The following THOC1 variants were observed in gnomAD, a reference collection of about 807,000 sequenced individuals.
The protein encoded by THOC1 is THO complex subunit 1.
Under a neutral mutation model 97.3 loss-of-function variants are expected in THOC1, and 29 were observed. That is an observed-to-expected ratio of 0.30 (90% CI 0.22 to 0.41). THOC1 has a LOEUF of 0.41. THOC1 is among the 10% of genes least tolerant of loss of function. The pLI, the probability that THOC1 is intolerant of heterozygous loss-of-function variation, is 1.00. For missense variants in THOC1, 529 were observed against 761.9 expected, an observed-to-expected ratio of 0.69 and a Z score of 3.60; for synonymous variants, 255 against 257.0, an observed-to-expected ratio of 0.99 and a Z score of 0.07.
chr18:243,281 G>T (rs1911970227), intron 11 of THOC1, among the ~76,000 whole-genome samples: 1 of 152,186 alleles, frequency 6.6e-6, no homozygotes, highest in African/African-American at 2.4e-5. Flanking sequence ...ATCAGAAAAG[G>T]AGAGATACTA....
At chr18:225,199 G>T in intron 13 of THOC1, 60 bp from the exon 14 acceptor site, 2 of 1,532,598 alleles carry the variant, frequency 1.3e-6, no homozygotes, top group Non-Finnish European at 1.8e-6. Context: ...GGAGTGGTTT[G>T]TAGGCAGAGA....
chr18:225,187 T>C (rs759213354), intron 13 of THOC1, 48 bp from the exon 14 acceptor site: 20 of 1,543,290 alleles, frequency 1.3e-5, no homozygotes, highest in East Asian at 2.4e-5. Context: ...TTCTGCATCA[T>C]AGGAGTGGTT....
chr18:215,934 A>G (rs957306175), intron 19 of THOC1, among the ~76,000 whole-genome samples: 1 of 152,220 alleles, frequency 6.6e-6, no homozygotes, highest in African/African-American at 2.4e-5. Context: ...GTATAGGTGC[A>G]TAACAGTTTA....
rs933055964 is a variant in THOC1, at chr18:216,386, G to A, written c.1602+100C>T. 6.0e-6 allele frequency: 8 copies of A among 1,326,474 alleles called. No individual in the cohort carries two copies. The African/African-American group carries it at 1.0e-4, about 17-fold the overall frequency. The allele number at this position is 1,326,474 out of a possible 1,614,324, so 82.2% of individuals were successfully genotyped here. A position where few individuals can be genotyped will look rare whatever the true frequency, so the allele number is the denominator to read the frequency against. On this transcript the variant is annotated intron_variant, in intron 19 of 20. Transcript: ENST00000261600. ...AAACATGGGAGCTTGTGGATCACTGGTTTTTCACATGATTAAGTCAGTTTT... is the reference window on the plus strand; with the variant it reads ...AAACATGGGAGCTTGTGGATCACTGATTTTTCACATGATTAAGTCAGTTTT...
At chr18:246,488 T>C in intron 10 of THOC1, 33 bp from the exon 11 acceptor site, 1 of 1,551,034 alleles carries the variant, frequency 6.4e-7, no homozygotes, top group South Asian at 1.2e-5. Flanking sequence ...TTATTCGACA[T>C]TGTTACCCAA....
chr18:235,308 A>T (rs759791299), intron 11 of THOC1, among the ~76,000 whole-genome samples: 2 of 152,076 alleles, frequency 1.3e-5, no homozygotes, highest in Non-Finnish European at 2.9e-5. Context: ...TCAAAGAAAC[A>T]CTTTCAGTTT....
At chr18:246,943 AAT>A (rs1276237626) in intron 10 of THOC1, among the ~76,000 whole-genome samples, 2 of 151,948 alleles carry the variant, frequency 1.3e-5, no homozygotes, top group Non-Finnish European at 2.9e-5. Flanking sequence ...AAAACGAAGA[AAT>A]ATGATTTAAG....
rs1449681635 is a variant in THOC1, at chr18:268,021, T to C, written c.-2A>G. On this transcript the variant is annotated 5_prime_UTR_variant, in exon 1 of 21. Transcript: ENST00000261600. ...GAAGAGCGGCGGCGTCGGAGACATC[T>C]TCTCGGCTGCGCGTGCCCGCCACTG... 28 of 1,593,294 alleles carry C rather than the reference T, an allele frequency of 1.8e-5. No individual in the cohort carries two copies. Among genetic ancestry groups the C allele is most frequent in the Non-Finnish European group, 2.2e-5 (26 of 1,169,710 alleles).
intron 11 of THOC1, among the ~76,000 whole-genome samples, chr18:228,409 G>A (rs1911370688): frequency 6.6e-6 from 1 of 151,920 alleles, no homozygotes; most frequent in Admixed American, 6.6e-5. Flanking sequence ...CTAGATAAGG[G>A]GTCAGCAAAC....
In THOC1 at chr18:259,288, G is replaced by A. The variant is rs765261703; in HGVS notation, c.425-13C>T. 16 of 1,563,692 alleles carry A rather than the reference G, an allele frequency of 1.0e-5. No homozygotes were observed. The East Asian group carries it at 3.6e-4, about 35-fold the overall frequency. ...CTTCTTAGGAGATCTAACAATATATGAAAATGAACGTTACACAGAAAAGAT... is the reference window on the plus strand; with the variant it reads ...CTTCTTAGGAGATCTAACAATATATAAAAATGAACGTTACACAGAAAAGAT... On this transcript the variant is annotated splice_polypyrimidine_tract_variant and intron_variant, in intron 6 of 20. Coordinates refer to ENST00000261600, the MANE Select transcript of THOC1 (RefSeq NM_005131.3).
intron 7 of THOC1, among the ~76,000 whole-genome samples, chr18:257,815 G>C (rs1912482478): frequency 6.6e-6 from 1 of 151,958 alleles, no homozygotes; most frequent in Non-Finnish European, 1.5e-5. Context: ...AAATTATTCA[G>C]AATCAGGTAG....
At chr18:232,629 A>G (rs1397238980) in intron 11 of THOC1, among the ~76,000 whole-genome samples, 1 of 151,938 alleles carries the variant, frequency 6.6e-6, no homozygotes, top group Non-Finnish European at 1.5e-5. Context: ...GTAGGGGGCC[A>G]TATTTAGGAA....
chr18:267,013 ATATATGTAT>A (rs1912795505), intron 1 of THOC1, among the ~76,000 whole-genome samples: 1 of 66,958 alleles, frequency 1.5e-5, no homozygotes, highest in Non-Finnish European at 3.5e-5. Flanking sequence ...GTATACGTAT[ATATATGTAT>A]ATATATATAT....
chr18:265,745 A>G (rs1912747236), intron 1 of THOC1, among the ~76,000 whole-genome samples: 3 of 151,854 alleles, frequency 2.0e-5, no homozygotes, highest in Admixed American at 1.3e-4. Context: ...TCCTTGCTGG[A>G]CTTTTTCATT....
At position 248,837 on chromosome 18, in the gene THOC1, G is replaced by A. The variant is rs566438263; in HGVS notation, c.678-880C>T. 8.6e-4 allele frequency among the ~76,000 whole-genome samples: 130 copies of A among 151,990 alleles called. 1 individual carries two copies. The highest frequency in any genetic ancestry group is 1.3e-3 in the Non-Finnish European group (86 of 67,972). On this transcript the variant is annotated intron_variant, in intron 9 of 20. Transcript: ENST00000261600. ...GCGATCTCAGCTCACTGCAAGCTCCGCCTCCCGGGTTCAAGCGATTCTCCT... is the reference window on the plus strand; with the variant it reads ...GCGATCTCAGCTCACTGCAAGCTCCACCTCCCGGGTTCAAGCGATTCTCCT...
At position 214,932 on chromosome 18, in the gene THOC1, A is replaced by G; in HGVS notation, c.1679-11T>C. The G allele has an allele frequency of 1.2e-6, 2 of 1,612,484 alleles. No homozygotes were observed. Among genetic ancestry groups the G allele is most frequent in the Non-Finnish European group, 1.7e-6 (2 of 1,179,106 alleles). ...GCCGAACATCAGGACCTAGAAAATG[A>G]AGAGAATATAAATTATGCGCAATTC... On this transcript the variant is annotated splice_polypyrimidine_tract_variant and intron_variant, in intron 20 of 20. Transcript: ENST00000261600.
At chr18:233,478 C>A (rs907715734) in intron 11 of THOC1, among the ~76,000 whole-genome samples, 1 of 152,040 alleles carries the variant, frequency 6.6e-6, no homozygotes. Context: ...CCCAGTTACT[C>A]GGGAGGCTGA....
intron 17 of THOC1, among the ~76,000 whole-genome samples, chr18:221,757 T>C (rs28748574): frequency 0.018 from 2,760 of 152,096 alleles, 29 homozygotes; most frequent in East Asian, 0.055. Context: ...TACAGGCGCC[T>C]GCCACCACAC....
chr18:256,708 A>G lies in THOC1; in HGVS notation c.521-2353T>C, dbSNP rs1912447985. ...TTTTTTCTGAGACAGAGTTTAGAATATTACATAAACTTAGTTGATAAAGTA... is the reference window on the plus strand; with the variant it reads ...TTTTTTCTGAGACAGAGTTTAGAATGTTACATAAACTTAGTTGATAAAGTA... On this transcript the variant is annotated intron_variant, in intron 7 of 20. Transcript: ENST00000261600. 7.2e-5 allele frequency among the ~76,000 whole-genome samples: 11 copies of G among 152,304 alleles called. No individual in the cohort carries two copies. In the South Asian group the frequency reaches 2.3e-3, roughly 32 times the overall value.
Sources: allele counts gnomAD v4.1 joint callset (sites outside exome capture counted in the v4.1 genomes callset), GRCh38; gene constraint gnomAD v4.1.1; transcripts MANE v1.5; gene names NCBI Gene and HGNC (gene_info 2026-07-23, HGNC 2026-07-21).